ATP2B1: variants seen among roughly 807,000 people sequenced by gnomAD.
The protein encoded by ATP2B1 is ATPase plasma membrane Ca2+ transporting 1, also known as plasma membrane calcium-transporting ATPase 1.
In ATP2B1, 14 loss-of-function variants were observed where a neutral mutation model predicts 124.2. The ratio of observed to expected loss-of-function variants is 0.11; its 90% CI spans 0.07 to 0.18. ATP2B1 has a LOEUF of 0.18. ATP2B1 is among the 10% of genes least tolerant of loss of function. The pLI is 1.00. For missense variants in ATP2B1, 763 were observed against 1,466.1 expected (o/e 0.52, Z 7.83); for synonymous variants, 449 against 492.4 (o/e 0.91, Z 1.17).
intron 7 of ATP2B1, among the ~76,000 whole-genome samples, chr12:89,626,871 T>C (rs1159317244): frequency 6.6e-6 from 1 of 152,184 alleles, no homozygotes; most frequent in African/African-American, 2.4e-5. Context: ...AACTGAGAAC[T>C]AAAGAATACT....
chr12:89,615,835 C>T (rs189390957), intron 12 of ATP2B1, among the ~76,000 whole-genome samples: 1 of 152,160 alleles, frequency 6.6e-6, no homozygotes, highest in East Asian at 1.9e-4. Flanking sequence ...TATACATTCT[C>T]GATTTTTTAA....
chr12:89,595,436 C>T (rs922208963), intron 20 of ATP2B1, among the ~76,000 whole-genome samples: 2 of 151,906 alleles, frequency 1.3e-5, no homozygotes, highest in Non-Finnish European at 2.9e-5. Context: ...AGAATGTTTT[C>T]TCTAGAGACC....
At chr12:89,675,241 T>C (rs985710985) in intron 1 of ATP2B1, among the ~76,000 whole-genome samples, 4 of 152,166 alleles carry the variant, frequency 2.6e-5, no homozygotes, top group Admixed American at 6.5e-5. Flanking sequence ...AATCCAAGAA[T>C]TGCTCATTAA....
At chr12:89,688,801 A>G (rs1044848556) in intron 1 of ATP2B1, among the ~76,000 whole-genome samples, 1 of 152,104 alleles carries the variant, frequency 6.6e-6, no homozygotes, top group African/African-American at 2.4e-5. Flanking sequence ...GGGCTGGACC[A>G]GGTTTTCAAA....
At position 89,610,430 on chromosome 12, in the gene ATP2B1, G is replaced by C; in HGVS notation, c.2326C>G (p.Leu776Val). Residue 776 changes from leucine to valine, a missense_variant, in exon 14 of 21, where the codon CTG becomes GTG. By Grantham distance (32) the Leu-to-Val change is conservative. Around this residue, in one of 7 missense-constraint regions of ATP2B1, gnomAD observed 51 missense variants for 192.8 expected, o/e 0.26. Transcript: ENST00000428670. Reference sequence around the variant, plus strand: ...TGAAAAATCTACTTACCTTTAACCAGTGTATGCTTATCAGTAGGAGATGAT... The same window carrying C: ...TGAAAAATCTACTTACCTTTAACCACTGTATGCTTATCAGTAGGAGATGAT... ...ARSSPTDKHT[L>V]VKGIIDSTVS... 1 of 1,613,430 alleles carries C rather than the reference G, an allele frequency of 6.2e-7. No homozygotes were observed. The highest frequency in any genetic ancestry group is 8.5e-7 in the Non-Finnish European group (1 of 1,179,460).
intron 1 of ATP2B1, among the ~76,000 whole-genome samples, chr12:89,679,286 C>T (rs1287207164): frequency 6.6e-6 from 1 of 152,104 alleles, no homozygotes; most frequent in African/African-American, 2.4e-5. Flanking sequence ...TCCTCAAAGC[C>T]TAAAATATTT....
intron 1 of ATP2B1, among the ~76,000 whole-genome samples, chr12:89,701,964 A>C (rs1457869139): frequency 6.6e-6 from 1 of 152,220 alleles, no homozygotes; most frequent in Non-Finnish European, 1.5e-5. Flanking sequence ...TACAGTATGC[A>C]ACACAGCTCT....
At chr12:89,668,602 A>C (rs879671878) in intron 1 of ATP2B1, among the ~76,000 whole-genome samples, 2 of 152,218 alleles carry the variant, frequency 1.3e-5, no homozygotes, top group African/African-American at 2.4e-5. Flanking sequence ...GCAAAAGGTA[A>C]AATGAATGAA....
intron 10 of ATP2B1, among the ~76,000 whole-genome samples, chr12:89,620,706 G>A (rs1879817654): frequency 6.6e-6 from 1 of 152,094 alleles, no homozygotes; most frequent in Admixed American, 6.5e-5. Context: ...CTTAAATGCA[G>A]TGAGAAGCTT....
At chr12:89,592,182 T>C (rs1318078082) in intron 20 of ATP2B1, among the ~76,000 whole-genome samples, 1 of 152,028 alleles carries the variant, frequency 6.6e-6, no homozygotes, top group Non-Finnish European at 1.5e-5. Flanking sequence ...GTGCACACAC[T>C]GACATTAAGT....
chr12:89,678,054 C>T (rs979011217), intron 1 of ATP2B1, among the ~76,000 whole-genome samples: 1 of 141,610 alleles, frequency 7.1e-6, no homozygotes, highest in African/African-American at 2.7e-5. Context: ...AAAAAAAATC[C>T]AAGGGTTTCA....
At chr12:89,596,036 G>A (rs1874532971) in intron 20 of ATP2B1, among the ~76,000 whole-genome samples, 1 of 151,932 alleles carries the variant, frequency 6.6e-6, no homozygotes, top group South Asian at 2.1e-4. Context: ...AAGATGCCTG[G>A]GTGCAGAGGT....
At chr12:89,613,092 A>ACCTCAGCCTCCTG (rs1878328456) in intron 12 of ATP2B1, among the ~76,000 whole-genome samples, 1 of 151,852 alleles carries the variant, frequency 6.6e-6, no homozygotes, top group South Asian at 2.1e-4. Context: ...TGATCCTCCC[A>ACCTCAGCCTCCTG]CCTCAGCCTC....
intron 3 of ATP2B1, 113 bp from the exon 4 acceptor site, chr12:89,635,364 T>A: frequency 1.7e-6 from 2 of 1,200,892 alleles, no homozygotes; most frequent in Non-Finnish European, 2.3e-6. Flanking sequence ...ATTTTACTTA[T>A]AGCAATAAAT....
chr12:89,592,578 T>A (rs527499605), intron 20 of ATP2B1, among the ~76,000 whole-genome samples: 1 of 152,140 alleles, frequency 6.6e-6, no homozygotes, highest in East Asian at 1.9e-4. Context: ...CTTAGCCCTT[T>A]ATATAGAGAG....
chr12:89,702,927 A>C lies in ATP2B1; in HGVS notation c.-222+5669T>G, dbSNP rs1035523897. Among the ~76,000 whole-genome samples the C allele has an allele frequency of 2.0e-5, 3 of 152,330 alleles. No individual in the cohort carries two copies. In the South Asian group the frequency reaches 6.2e-4, roughly 32 times the overall value. ...ATTTAATAGAAAATAGCTTTTAAAA[A>C]TATGGCAAAAAAAAATGTGCCCACA... On this transcript the variant is annotated intron_variant, in intron 1 of 20. Transcript: ENST00000428670.
At chr12:89,632,141 C>CT (rs35538303) in intron 5 of ATP2B1, among the ~76,000 whole-genome samples, 2,236 of 147,614 alleles carry the variant, frequency 0.015, 44 homozygotes, top group African/African-American at 0.049. Flanking sequence ...TTTAAAGCAA[C>CT]TTTTTTTTTT....
intron 1 of ATP2B1, among the ~76,000 whole-genome samples, chr12:89,705,981 T>C (rs1347423964): frequency 6.6e-6 from 1 of 152,198 alleles, no homozygotes; most frequent in Non-Finnish European, 1.5e-5. Context: ...CTTAATTCAT[T>C]ACTTGGGAGC....
At chr12:89,697,976 A>C (rs1459286725) in intron 1 of ATP2B1, among the ~76,000 whole-genome samples, 2 of 152,010 alleles carry the variant, frequency 1.3e-5, no homozygotes, top group Non-Finnish European at 2.9e-5. Context: ...GGGCTCAAAC[A>C]ATTCTCCTGC....
Sources: allele counts gnomAD v4.1 joint callset (sites outside exome capture counted in the v4.1 genomes callset), GRCh38; gene constraint gnomAD v4.1.1; regional missense constraint gnomAD v4.1.1; transcripts MANE v1.5; gene names NCBI Gene and HGNC (gene_info 2026-07-23, HGNC 2026-07-21).